The following PHF19 variants were observed in gnomAD, a reference collection of about 807,000 sequenced individuals.
The protein encoded by PHF19 is PHD finger protein 19.
PHF19 carries 21 observed loss-of-function variants against 79.8 expected under a neutral mutation model. That is an observed-to-expected ratio of 0.26 (90% confidence interval 0.19 to 0.38). PHF19 has a LOEUF of 0.38. PHF19 is among the 10% of genes least tolerant of loss of function. The pLI is 1.00. For missense variants in PHF19, 445 were observed against 744.2 expected (o/e 0.60, Z 4.68); for synonymous variants, 273 against 296.3 (o/e 0.92, Z 0.81).
intron 1 of PHF19, among the ~76,000 whole-genome samples, chr9:120,889,752 A>G (rs545523050): frequency 6.6e-6 from 1 of 151,706 alleles, no homozygotes; most frequent in South Asian, 2.1e-4. Flanking sequence ...CTTGAAAAAA[A>G]GAAAGAGAGA....
chr9:120,861,515 C>T (rs752397561), intron 12 of PHF19, among the ~76,000 whole-genome samples: 1 of 152,294 alleles, frequency 6.6e-6, no homozygotes, highest in South Asian at 2.1e-4. Context: ...GGACATGAGG[C>T]ATTGCTAATA....
upstream of PHF19, among the ~76,000 whole-genome samples, chr9:120,896,440 T>C (rs909423936): frequency 4.0e-5 from 1 of 25,260 alleles, no homozygotes; most frequent in Non-Finnish European, 1.0e-4. Flanking sequence ...TATGGTTCTT[T>C]TTTTTTTTTT....
chr9:120,876,575 G>A (rs566436423), intron 1 of PHF19: 1 of 151,898 alleles, frequency 6.6e-6, no homozygotes, highest in South Asian at 2.1e-4. Flanking sequence ...TCAAATCCGC[G>A]GCACCGGGAG....
intron 8 of PHF19, 62 bp from the exon 9 acceptor site, chr9:120,865,892 A>T: frequency 6.2e-7 from 1 of 1,611,796 alleles, no homozygotes; most frequent in Non-Finnish European, 8.5e-7. Flanking sequence ...CCAGGGTCAC[A>T]GCTTTCTGGG....
In PHF19 at chr9:120,866,231, G is replaced by A; in HGVS notation, c.711-135C>T. The A allele has an allele frequency of 1.4e-6, 1 of 716,810 alleles. No individual in the cohort carries two copies. The highest frequency in any genetic ancestry group is 2.6e-6 in the Non-Finnish European group (1 of 391,186). 44.4% of individuals were successfully genotyped at this position (716,810 alleles called of 1,614,324 possible). On this transcript the variant is annotated intron_variant, in intron 7 of 14. Transcript: ENST00000373896. The surrounding 1 kb of genome is among the most constrained non-coding windows in gnomAD (Gnocchi z 5.2). ...ACTCCTAGGACTGCTGGCCACTGGGGGTCAAGGACAGGGCAGGACAGGGAC... is the reference window on the plus strand; with the variant it reads ...ACTCCTAGGACTGCTGGCCACTGGGAGTCAAGGACAGGGCAGGACAGGGAC...
At chr9:120,872,624 C>T (rs982898823) in intron 3 of PHF19, among the ~76,000 whole-genome samples, 1 of 151,964 alleles carries the variant, frequency 6.6e-6, no homozygotes, top group African/African-American at 2.4e-5. Flanking sequence ...TCTGCAGCCT[C>T]TTCTTGGCAG....
At chr9:120,877,587 A>C (rs922800771), upstream of PHF19, among the ~76,000 whole-genome samples, 3 of 152,098 alleles carry the variant, frequency 2.0e-5, no homozygotes, top group Non-Finnish European at 4.4e-5. Flanking sequence ...TTGTTGAGGA[A>C]ACACAGCTCT....
At chr9:120,868,689 G>T in intron 6 of PHF19, 1 of 356,932 alleles carries the variant, frequency 2.8e-6, no homozygotes, top group Non-Finnish European at 3.9e-6. Context: ...CCCACCCCGA[G>T]CCCTTCCCTT....
At chr9:120,864,825 T>A (rs1177219179) in intron 9 of PHF19, among the ~76,000 whole-genome samples, 4 of 151,170 alleles carry the variant, frequency 2.6e-5, no homozygotes, top group African/African-American at 9.7e-5. Flanking sequence ...TAGAAGAGAG[T>A]CGGAAAGGAA....
chr9:120,893,929 G>A (rs1211709600), intron 1 of PHF19, among the ~76,000 whole-genome samples: 2 of 152,200 alleles, frequency 1.3e-5, no homozygotes, highest in South Asian at 4.1e-4. Flanking sequence ...TGGAGCATCA[G>A]CCTAGACTGG....
the PHF19 span, among the ~76,000 whole-genome samples, chr9:120,901,165 G>T: frequency 6.6e-6 from 1 of 151,858 alleles, no homozygotes; most frequent in Non-Finnish European, 1.5e-5. Flanking sequence ...AGGAGAGGAA[G>T]GAAAGAAACT....
intron 1 of PHF19, among the ~76,000 whole-genome samples, chr9:120,884,659 G>A (rs1230795691): frequency 6.6e-6 from 1 of 152,002 alleles, no homozygotes; most frequent in East Asian, 1.9e-4. Context: ...TGTAATGCCA[G>A]CACTTTGGGA....
intron 1 of PHF19, among the ~76,000 whole-genome samples, chr9:120,883,437 G>A (rs552209222): frequency 1.6e-4 from 25 of 152,226 alleles, no homozygotes; most frequent in Non-Finnish European, 3.5e-4. Flanking sequence ...GCATGAAGAT[G>A]AATAAGATGC....
intron 1 of PHF19, chr9:120,894,721 C>G (rs2046384342): frequency 1.3e-5 from 11 of 829,598 alleles, no homozygotes; most frequent in Non-Finnish European, 1.8e-5. Context: ...CGCGGGCCCA[C>G]CCGGCCGCCC....
chr9:120,896,286 A>G (rs1564521991), upstream of PHF19, among the ~76,000 whole-genome samples: 1 of 152,098 alleles, frequency 6.6e-6, no homozygotes, highest in Non-Finnish European at 1.5e-5. Context: ...TAGGTCCATG[A>G]TCTCATTTAA....
rs1241288265 is a variant in PHF19, at chr9:120,891,538, CAGCCCAGGTGG to C, written c.42+3239_42+3249del. ...AAAGCTCCCCGGGTGGTTCAAGGTG[CAGCCCAGGTGG>C]AGCGCCACCATAATTTACAGCACAC... On this transcript the variant is annotated intron_variant, in intron 1 of 14. Transcript: ENST00000616568. The surrounding 1 kb of genome is among the most constrained non-coding windows in gnomAD (Gnocchi z 4.3). 6.6e-6 allele frequency among the ~76,000 whole-genome samples: 1 copy of C among 152,134 alleles called. No individual in the cohort carries two copies. Among genetic ancestry groups the C allele is most frequent in the Non-Finnish European group, 1.5e-5 (1 of 68,024 alleles).
chr9:120,881,273 G>A (rs537174853), upstream of PHF19, among the ~76,000 whole-genome samples: 2 of 150,324 alleles, frequency 1.3e-5, no homozygotes, highest in African/African-American at 2.4e-5. Flanking sequence ...TCAGCCTCCC[G>A]AGTAGCTGGG....
At chr9:120,892,905 T>A (rs1368734028) in intron 1 of PHF19, among the ~76,000 whole-genome samples, 1 of 152,156 alleles carries the variant, frequency 6.6e-6, no homozygotes, top group East Asian at 1.9e-4. Flanking sequence ...GTTCAGGAAA[T>A]GAGGGCAGGA....
intron 1 of PHF19, among the ~76,000 whole-genome samples, chr9:120,890,421 AACTTTG>A (rs2046327040): frequency 6.6e-6 from 1 of 152,166 alleles, no homozygotes; most frequent in South Asian, 2.1e-4. Flanking sequence ...TGAAATGTCT[AACTTTG>A]ACCAGTTAGA....
Sources: allele counts gnomAD v4.1 joint callset (sites outside exome capture counted in the v4.1 genomes callset), GRCh38; gene constraint gnomAD v4.1.1; non-coding constraint Gnocchi (gnomAD v3.1); transcripts MANE v1.5; gene names NCBI Gene and HGNC (gene_info 2026-07-23, HGNC 2026-07-21).